The following WDR1 variants were observed in gnomAD, a reference collection of about 807,000 sequenced individuals.
WDR1 encodes WD repeat domain 1, also known as WD repeat-containing protein 1.
Under a neutral mutation model 71.9 loss-of-function variants are expected in WDR1, and 21 were observed. The ratio of observed to expected loss-of-function variants is 0.29; its 90% CI spans 0.21 to 0.42. The LOEUF (loss-of-function observed/expected upper bound fraction) is 0.42, where lower values mean the gene tolerates loss of function less well. Ranked by LOEUF, WDR1 falls within the 10% of genes least tolerant of loss-of-function variation. The pLI is 1.00. For missense variants in WDR1, 696 were observed against 824.5 expected (o/e 0.84, Z 1.91); for synonymous variants, 424 against 347.4 (o/e 1.22, Z -2.45).
chr4:10,088,929 C>T (rs1196982985), intron 5 of WDR1, among the ~76,000 whole-genome samples, 188 bp from the exon 6 acceptor site: 1 of 152,190 alleles, frequency 6.6e-6, no homozygotes, highest in Non-Finnish European at 1.5e-5. Flanking sequence ...GAGTCTGCTC[C>T]AGCCTGCCTG....
At chr4:10,085,479 C>G (rs2109651010) in intron 8 of WDR1, among the ~76,000 whole-genome samples, 1 of 152,346 alleles carries the variant, frequency 6.6e-6, no homozygotes, top group Non-Finnish European at 1.5e-5. Context: ...CGGCCTCCTT[C>G]CAATGTGGCA....
In WDR1 at chr4:10,099,009, G is replaced by C. The variant is rs747090751; in HGVS notation, c.360C>G (p.Val120=). 3 of 1,613,978 alleles carry C rather than the reference G, an allele frequency of 1.9e-6. No homozygotes were observed. Among genetic ancestry groups the C allele is most frequent in the Non-Finnish European group, 2.5e-6 (3 of 1,179,888 alleles). Residue 120 remains valine (V), a synonymous_variant, in exon 4 of 15, where the codon GTC becomes GTG. Coordinates refer to ENST00000499869, the MANE Select transcript of WDR1 (RefSeq NM_017491.5). The part of the protein sequence containing the change: ...WTEDSKRIAV[V]GEGREKFGAV... ...TGACTCACTTCTCCCTTCCTTCCCCGACCACGGCGATCCTCTTACTGTCTT... is the reference window on the plus strand; with the variant it reads ...TGACTCACTTCTCCCTTCCTTCCCCCACCACGGCGATCCTCTTACTGTCTT...
chr4:10,089,254 G>A (rs1711806184), intron 5 of WDR1, among the ~76,000 whole-genome samples: 1 of 152,192 alleles, frequency 6.6e-6, no homozygotes, highest in Non-Finnish European at 1.5e-5. Flanking sequence ...GACGACAGGT[G>A]CCCGCCACCA....
intron 2 of WDR1, among the ~76,000 whole-genome samples, chr4:10,105,479 C>G (rs1303436441): frequency 6.6e-6 from 1 of 152,208 alleles, no homozygotes; most frequent in Non-Finnish European, 1.5e-5. Flanking sequence ...AGGTGTCTAT[C>G]CAAAGAAGAT....
intron 1 of WDR1, 120 bp from the exon 2 acceptor site, chr4:10,116,354 G>T: frequency 7.0e-7 from 1 of 1,427,984 alleles, no homozygotes; most frequent in Admixed American, 2.1e-5. Context: ...CGGGAGGGCG[G>T]CCTCCACTTT....
rs1164373661 is a variant in WDR1, at chr4:10,088,365, G to A, written c.645C>T (p.Ile215=). 1 of 1,557,086 alleles carries A rather than the reference G, an allele frequency of 6.4e-7. No homozygotes were observed. The highest frequency in any genetic ancestry group is 1.9e-5 in the Admixed American group (1 of 52,014). ...CCTTCTCCCCAGTCTTCCCGTCATAGATGTATATCTTCCAAGAAATAAAAA... is the reference window on the plus strand; with the variant it reads ...CCTTCTCCCCAGTCTTCCCGTCATAAATGTATATCTTCCAAGAAATAAAAA... The part of the protein sequence containing the change: ...ATASADGQIY[I]YDGKTGEKVC... Residue 215 remains isoleucine, a synonymous_variant, in exon 7 of 15, where the codon ATC becomes ATT. Coordinates refer to ENST00000499869, the MANE Select transcript of WDR1 (RefSeq NM_017491.5).
At chr4:10,081,666 G>GA (rs1560529306) in intron 10 of WDR1, among the ~76,000 whole-genome samples, 3 of 132,880 alleles carry the variant, frequency 2.3e-5, no homozygotes, top group Admixed American at 7.4e-5. Flanking sequence ...GGAGGGGTGG[G>GA]GGGGGGGGAA....
chr4:10,103,303 C>CTG (rs1712818347), intron 3 of WDR1, among the ~76,000 whole-genome samples: 1 of 149,658 alleles, frequency 6.7e-6, no homozygotes, highest in African/African-American at 2.5e-5. Context: ...CACACACACA[C>CTG]ACACACACAC....
chr4:10,106,361 AG>A (rs1713015888), intron 2 of WDR1: 1 of 152,300 alleles, frequency 6.6e-6, no homozygotes, highest in African/African-American at 2.4e-5. Context: ...CCCTACCCAA[AG>A]CACCTGGCAA....
At position 10,099,036 on chromosome 4, in the gene WDR1, A is replaced by G. The variant is rs938698636; in HGVS notation, c.333T>C (p.Thr111=). 1.9e-6 allele frequency: 3 copies of G among 1,614,018 alleles called. 1 individual carries two copies. Among genetic ancestry groups the G allele is most frequent in the Non-Finnish European group, 2.5e-6 (3 of 1,179,888 alleles). The change falls in exon 4 of 15, where the codon ACT becomes ACC. Residue 111 remains threonine, a synonymous_variant. Transcript: ENST00000499869. ...CCACGGCGATCCTCTTACTGTCTTC[A>G]GTCCAAGCAATGTCTTTGATCTTCC... ...FAGKIKDIAW[T]EDSKRIAVVG...
chr4:10,078,785 C>T, intron 12 of WDR1, 106 bp downstream of exon 12: 2 of 955,156 alleles, frequency 2.1e-6, no homozygotes, highest in East Asian at 6.0e-5. Flanking sequence ...CTTCCCCTGA[C>T]CCCTCGCCTT....
chr4:10,109,276 A>T (rs1713206220), intron 2 of WDR1, among the ~76,000 whole-genome samples: 1 of 152,236 alleles, frequency 6.6e-6, no homozygotes, highest in Non-Finnish European at 1.5e-5. Flanking sequence ...CTGGGTTATG[A>T]GCATATAACT....
chr4:10,093,488 C>G (rs1230245271), intron 5 of WDR1, among the ~76,000 whole-genome samples: 1 of 152,278 alleles, frequency 6.6e-6, no homozygotes, highest in South Asian at 2.1e-4. Context: ...AGCCCTGCAG[C>G]CCGGTCCACT....
At chr4:10,099,853 G>A (rs1296459737) in intron 3 of WDR1, among the ~76,000 whole-genome samples, 1 of 152,200 alleles carries the variant, frequency 6.6e-6, no homozygotes, top group South Asian at 2.1e-4. Context: ...GCGGGGGAAG[G>A]AGAATTACAC....
chr4:10,114,165 A>AT (rs1173442773), intron 2 of WDR1, among the ~76,000 whole-genome samples: 2 of 152,216 alleles, frequency 1.3e-5, no homozygotes, highest in African/African-American at 4.8e-5. Flanking sequence ...AGGGAGGGCT[A>AT]TATTAGTAGC....
chr4:10,075,026 CT>C lies in WDR1; in HGVS notation c.*351del. 1 of 376,274 alleles carries C rather than the reference CT, an allele frequency of 2.7e-6. No individual in the cohort carries two copies. Among genetic ancestry groups the C allele is most frequent in the South Asian group, 6.2e-5 (1 of 16,104 alleles). 23.3% of individuals were successfully genotyped at this position (376,274 alleles called of 1,614,324 possible). On this transcript the variant is annotated 3_prime_UTR_variant, in exon 15 of 15. Transcript: ENST00000499869. ...GGCTCATTCACCTGTACAACCTCCC[CT>C]GACAGATAGTGAGAGCCGCGGCGGG...
chr4:10,111,207 T>A (rs1713334718), intron 2 of WDR1, among the ~76,000 whole-genome samples: 1 of 152,320 alleles, frequency 6.6e-6, no homozygotes, highest in African/African-American at 2.4e-5. Context: ...TAGGGCTGTG[T>A]GAGCCACCTG....
At chr4:10,082,769 T>C (rs1765066434) in intron 10 of WDR1, among the ~76,000 whole-genome samples, 1 of 152,200 alleles carries the variant, frequency 6.6e-6, no homozygotes, top group Admixed American at 6.5e-5. Context: ...GGCTGTGATC[T>C]GCTGCCCCTG....
Position 10,116,460 on chromosome 4 carries a change from C to T in WDR1, c.16+191G>A, listed in dbSNP as rs576751482. On this transcript the variant is annotated intron_variant, in intron 1 of 14. Transcript: ENST00000499869. ...CCTCCGGCTCGGCCCACGGCGCCAA[C>T]TTGGGGGCGCACCCCCCGTCGGGGG... is the stretch of plus-strand genomic sequence containing the variant. 2.1e-3 allele frequency: 1,530 copies of T among 714,484 alleles called. 5 individuals carry two copies. Among genetic ancestry groups the T allele is most frequent in the African/African-American group, 0.017 (897 of 51,402 alleles). The allele number at this position is 714,484 out of a possible 1,614,324, so 44.3% of individuals were successfully genotyped here.
Sources: allele counts gnomAD v4.1 joint callset (sites outside exome capture counted in the v4.1 genomes callset), GRCh38; gene constraint gnomAD v4.1.1; transcripts MANE v1.5; gene names NCBI Gene and HGNC (gene_info 2026-07-23, HGNC 2026-07-21).